The following TMTC1 variants were observed in gnomAD, a reference collection of about 807,000 sequenced individuals.
TMTC1 encodes the protein protein O-mannosyl-transferase TMTC1.
In TMTC1, 73 loss-of-function variants were observed where a neutral mutation model predicts 104.8. The observed-to-expected ratio is 0.70, with a 90% confidence interval of 0.58 to 0.85. The LOEUF (loss-of-function observed/expected upper bound fraction) is 0.85, where lower values mean the gene tolerates loss of function less well. TMTC1 is among the 40% of genes least tolerant of loss of function. TMTC1 has a pLI of 0.00. For missense variants in TMTC1, 1,035 were observed against 1,096.1 expected, an observed-to-expected ratio of 0.94 and a Z score of 0.79; for synonymous variants, 434 against 428.7, an observed-to-expected ratio of 1.01 and a Z score of -0.15.
intron 11 of TMTC1, 90 bp from the exon 12 acceptor site, chr12:29,520,810 AAAT>A: frequency 9.6e-7 from 1 of 1,041,676 alleles, no homozygotes; most frequent in Non-Finnish European, 1.4e-6. Flanking sequence ...AGCAAAAAAA[AAAT>A]AAATCTTACT....
Position 29,783,656 on chromosome 12 carries a change from C to A in TMTC1, c.96G>T (p.Leu32=). The change falls in exon 1 of 18, where the codon CTG becomes CTT. Residue 32 remains leucine (L), a synonymous_variant. Coordinates refer to ENST00000539277, the MANE Select transcript of TMTC1 (RefSeq NM_001193451.2). This position sits in a 1 kb window ranked among gnomAD's most constrained non-coding sequence, Gnocchi z 4.7. ...AGCACAGGCAGCTTGCCCCGGCCAG[C>A]AGCGCCGCGGCCCCGGCCGGCGCTA... ...CGLAPAGAAA[L]LAGASCLCYG... 1 of 1,395,860 alleles carries A rather than the reference C, an allele frequency of 7.2e-7. No homozygotes were observed. Among genetic ancestry groups the A allele is most frequent in the South Asian group, 1.6e-5 (1 of 63,148 alleles). The allele number at this position is 1,395,860 out of a possible 1,614,324, so 86.5% of individuals were successfully genotyped here.
In TMTC1 at chr12:29,783,300, G is replaced by T; in HGVS notation, c.302+150C>A. The T allele has an allele frequency of 1.4e-6, 1 of 694,014 alleles. No homozygotes were observed. Among genetic ancestry groups the T allele is most frequent in the Non-Finnish European group, 2.0e-6 (1 of 495,584 alleles). 43.0% of individuals were successfully genotyped at this position (694,014 alleles called of 1,614,324 possible). ...CGGGCAGTGGATCCCGGAGCAAAGT[G>T]CCATGCACATCCTGGAGAGGAGGGA... is the stretch of plus-strand genomic sequence containing the variant. On this transcript the variant is annotated intron_variant, in intron 1 of 17. Transcript: ENST00000539277. The surrounding 1 kb of genome is among the most constrained non-coding windows in gnomAD (Gnocchi z 4.7).
intron 6 of TMTC1, among the ~76,000 whole-genome samples, chr12:29,605,711 A>C (rs1464653887): frequency 6.6e-6 from 1 of 152,010 alleles, no homozygotes; most frequent in Non-Finnish European, 1.5e-5. Context: ...TATTTGTTTA[A>C]ATTTAAATTT....
chr12:29,514,623 A>T lies in TMTC1; in HGVS notation c.2308-19T>A. 2 of 1,597,860 alleles carry T rather than the reference A, an allele frequency of 1.3e-6. No individual in the cohort carries two copies. The highest frequency in any genetic ancestry group is 1.7e-6 in the Non-Finnish European group (2 of 1,175,816). ...CAAGTGCCTGCAGAGGTTGGAAATT[A>T]AGACAGAATAAATGCAGATTAGGTA... is the stretch of plus-strand genomic sequence containing the variant. On this transcript the variant is annotated intron_variant, in intron 15 of 17. Transcript: ENST00000539277.
intron 11 of TMTC1, chr12:29,534,711 G>T (rs1171965977): frequency 1.3e-5 from 2 of 152,166 alleles, no homozygotes; most frequent in Non-Finnish European, 2.9e-5. Context: ...CTAAAATAAA[G>T]TTCAACATCA....
chr12:29,651,153 C>T (rs752117323), intron 5 of TMTC1, among the ~76,000 whole-genome samples: 5 of 151,970 alleles, frequency 3.3e-5, no homozygotes, highest in African/African-American at 4.8e-5. Context: ...TTATAAGCTG[C>T]GTAGTGGAAT....
chr12:29,583,390 T>C lies in TMTC1; in HGVS notation c.1418+17A>G, dbSNP rs1946037393. On this transcript the variant is annotated intron_variant, in intron 8 of 17. Transcript: ENST00000539277. ...AAATAAACAGGAAGATATTTATTTT[T>C]ATCTGTCTAGTCATACCTGAATAGG... 6.2e-7 allele frequency: 1 copy of C among 1,602,630 alleles called. No homozygotes were observed. Among genetic ancestry groups the C allele is most frequent in the African/African-American group, 1.3e-5 (1 of 74,546 alleles).
At chr12:29,650,934 T>C (rs1307018494) in intron 5 of TMTC1, among the ~76,000 whole-genome samples, 1 of 152,244 alleles carries the variant, frequency 6.6e-6, no homozygotes, top group African/African-American at 2.4e-5. Context: ...ACGATCTTCT[T>C]CAACATTTCT....
chr12:29,707,671 T>A (rs1941785225), intron 5 of TMTC1, among the ~76,000 whole-genome samples: 1 of 152,212 alleles, frequency 6.6e-6, no homozygotes, highest in Non-Finnish European at 1.5e-5. Flanking sequence ...CCTCTGCACA[T>A]GTGGCCATCG....
In TMTC1 at chr12:29,783,412, A is replaced by C; in HGVS notation, c.302+38T>G. 1 of 1,283,056 alleles carries C rather than the reference A, an allele frequency of 7.8e-7. No individual in the cohort carries two copies. Among genetic ancestry groups the C allele is most frequent in the South Asian group, 2.4e-5 (1 of 40,924 alleles). The allele number at this position is 1,283,056 out of a possible 1,614,324, so 79.5% of individuals were successfully genotyped here. On this transcript the variant is annotated intron_variant, in intron 1 of 17. Coordinates refer to ENST00000539277, the MANE Select transcript of TMTC1 (RefSeq NM_001193451.2). This position sits in a 1 kb window ranked among gnomAD's most constrained non-coding sequence, Gnocchi z 4.7. The stretch of plus-strand genomic sequence containing the variant: ...GGTCCGAGGGACGGGCGGAGGGTAG[A>C]GGAGGCAGCGGCGGCTAGCGCGAGG...
chr12:29,593,335 GTTTATGTGTGCTTTCAGTATA>G (rs1946329983), intron 7 of TMTC1, among the ~76,000 whole-genome samples: 1 of 152,152 alleles, frequency 6.6e-6, no homozygotes, highest in East Asian at 1.9e-4. Flanking sequence ...GTGTTTTTGT[GTTTATGTGTGCTTTCAGTATA>G]CTACTCTATC....
chr12:29,765,954 G>A (rs60727298), intron 2 of TMTC1, among the ~76,000 whole-genome samples: 1 of 152,108 alleles, frequency 6.6e-6, no homozygotes, highest in Admixed American at 6.5e-5. Context: ...GTGCAATCAA[G>A]TCCTCCTTTA....
chr12:29,636,428 T>C (rs1429480005), intron 5 of TMTC1, among the ~76,000 whole-genome samples: 1 of 152,224 alleles, frequency 6.6e-6, no homozygotes, highest in Non-Finnish European at 1.5e-5. Context: ...TTGACCTCAG[T>C]TCTTTATGTC....
chr12:29,753,173 A>G (rs1386557831), intron 4 of TMTC1, among the ~76,000 whole-genome samples: 2 of 152,174 alleles, frequency 1.3e-5, no homozygotes, highest in Admixed American at 6.5e-5. Context: ...CCTAGTGCTA[A>G]GATGTTTATT....
At chr12:29,570,841 G>A (rs1455212564) in intron 9 of TMTC1, among the ~76,000 whole-genome samples, 11 of 142,792 alleles carry the variant, frequency 7.7e-5, no homozygotes, top group Admixed American at 3.7e-4. Flanking sequence ...GAGAGACTCC[G>A]TCTCAAAACA....
At chr12:29,784,527 C>T (rs1943912598), upstream of TMTC1, 1 of 152,268 alleles carries the variant, frequency 6.6e-6, no homozygotes, top group African/African-American at 2.4e-5. Context: ...TCCTCAAAGC[C>T]AGGAGAAGGG....
intron 6 of TMTC1, among the ~76,000 whole-genome samples, chr12:29,614,316 T>C (rs537493254): frequency 1.3e-5 from 2 of 152,334 alleles, no homozygotes; most frequent in African/African-American, 2.4e-5. Flanking sequence ...TTGCATCTCA[T>C]TGGACAAGAC....
chr12:29,606,593 C>T (rs1401105409), intron 6 of TMTC1, among the ~76,000 whole-genome samples: 1 of 152,146 alleles, frequency 6.6e-6, no homozygotes. Flanking sequence ...TTCACGTCTT[C>T]CCAAAGAAGT....
intron 5 of TMTC1, among the ~76,000 whole-genome samples, chr12:29,702,268 T>C (rs185616533): frequency 2.6e-5 from 4 of 152,324 alleles, no homozygotes; most frequent in African/African-American, 7.2e-5. Context: ...ATGACAGCAA[T>C]ATCCAAAAAC....
Sources: gnomAD v4.1 joint callset for allele counts (sites outside exome capture counted in the v4.1 genomes callset) on GRCh38, gnomAD v4.1.1 for gene constraint, Gnocchi (gnomAD v3.1) non-coding constraint, MANE v1.5 for transcripts, NCBI Gene and HGNC (gene_info 2026-07-23, HGNC 2026-07-21) for gene names.